The following ZC3H18 variants were observed in gnomAD, a reference collection of about 807,000 sequenced individuals.
The protein encoded by ZC3H18 is zinc finger CCCH-type containing 18.
In ZC3H18, 8 loss-of-function variants were observed where a neutral mutation model predicts 106.1. The observed-to-expected ratio is 0.08, with a 90% confidence interval of 0.04 to 0.14. The LOEUF is 0.14. Ranked by LOEUF, ZC3H18 falls within the 10% of genes least tolerant of loss-of-function variation. The pLI, the probability that ZC3H18 is intolerant of heterozygous loss-of-function variation, is 1.00. For synonymous variants in ZC3H18, 635 were observed against 522.1 expected (o/e 1.22, Z -2.95); for missense variants, 1,318 against 1,278.4 (o/e 1.03, Z -0.47).
intron 8 of ZC3H18, among the ~76,000 whole-genome samples, chr16:88,613,922 C>T (rs761877629): frequency 1.3e-5 from 2 of 151,392 alleles, no homozygotes; most frequent in Non-Finnish European, 3.0e-5. Context: ...CAGAGAGAGA[C>T]CCTGTCTCAA....
intron 8 of ZC3H18, among the ~76,000 whole-genome samples, chr16:88,619,011 T>G (rs1364089006): frequency 6.6e-6 from 1 of 152,174 alleles, no homozygotes; most frequent in Non-Finnish European, 1.5e-5. Context: ...GCCTGGTTTT[T>G]CCAAGTCTAA....
chr16:88,584,172 A>C (rs1210143648), intron 2 of ZC3H18, among the ~76,000 whole-genome samples: 1 of 152,194 alleles, frequency 6.6e-6, no homozygotes, highest in Non-Finnish European at 1.5e-5. Flanking sequence ...CTGTAATCCT[A>C]GCACTTTGGG....
At chr16:88,601,928 G>T (rs915763227) in intron 6 of ZC3H18, among the ~76,000 whole-genome samples, 8 of 152,140 alleles carry the variant, frequency 5.3e-5, no homozygotes, top group Admixed American at 2.6e-4. Context: ...TCTGCCAGGA[G>T]GGTGGAGACC....
intron 5 of ZC3H18, among the ~76,000 whole-genome samples, chr16:88,599,481 C>G (rs1158100889): frequency 6.6e-6 from 1 of 152,234 alleles, no homozygotes; most frequent in Non-Finnish European, 1.5e-5. Flanking sequence ...ACTCCAGCCA[C>G]TCCACCTGCT....
intron 5 of ZC3H18, 134 bp from the exon 6 acceptor site, chr16:88,599,657 C>T (rs1247996851): frequency 9.2e-7 from 1 of 1,089,174 alleles, no homozygotes; most frequent in East Asian, 2.4e-5. Context: ...CCCCTCACCC[C>T]TTGAGCACTT....
At chr16:88,589,235 C>T (rs778633201) in intron 3 of ZC3H18, among the ~76,000 whole-genome samples, 3 of 152,176 alleles carry the variant, frequency 2.0e-5, no homozygotes, top group African/African-American at 4.8e-5. Flanking sequence ...GAGGGTAAAA[C>T]GGTGCAGCTG....
intron 1 of ZC3H18, among the ~76,000 whole-genome samples, chr16:88,575,675 A>T (rs1233889841): frequency 1.3e-5 from 2 of 152,042 alleles, no homozygotes; most frequent in Non-Finnish European, 2.9e-5. Flanking sequence ...TGGATTAGTA[A>T]AAATAGGAAT....
At chr16:88,572,668 G>A (rs1914484414) in intron 1 of ZC3H18, among the ~76,000 whole-genome samples, 1 of 152,010 alleles carries the variant, frequency 6.6e-6, no homozygotes, top group East Asian at 1.9e-4. Flanking sequence ...TTGCAAACGT[G>A]GGTATCAGTT....
chr16:88,589,899 A>T (rs879589138), intron 3 of ZC3H18, among the ~76,000 whole-genome samples: 1 of 152,242 alleles, frequency 6.6e-6, no homozygotes, highest in Non-Finnish European at 1.5e-5. Flanking sequence ...CAACTTTGTG[A>T]ATATACTGCA....
chr16:88,619,559 C>G (rs1905831307), intron 8 of ZC3H18, among the ~76,000 whole-genome samples: 1 of 152,224 alleles, frequency 6.6e-6, no homozygotes, highest in South Asian at 2.1e-4. Context: ...AATTCGGTAT[C>G]ATTGTCTCCA....
chr16:88,629,503 T>C (rs1043824129), intron 16 of ZC3H18, among the ~76,000 whole-genome samples: 2 of 152,112 alleles, frequency 1.3e-5, no homozygotes, highest in Non-Finnish European at 2.9e-5. Context: ...TTTTGCAAAA[T>C]ATATTTTCCA....
chr16:88,628,943 C>A, intron 16 of ZC3H18, 89 bp downstream of exon 16: 1 of 1,331,564 alleles, frequency 7.5e-7, no homozygotes, highest in Non-Finnish European at 1.1e-6. Flanking sequence ...TTGCTCTTAA[C>A]AAGTAGGAGG....
chr16:88,607,794 A>C (rs1343683838), intron 6 of ZC3H18, among the ~76,000 whole-genome samples: 1 of 145,882 alleles, frequency 6.9e-6, no homozygotes, highest in Non-Finnish European at 1.5e-5. Flanking sequence ...CTCCCCATTC[A>C]CATGCTTCAT....
chr16:88,631,679 C>T lies in ZC3H18; in HGVS notation c.*380C>T, dbSNP rs1277052178. The T allele has an allele frequency of 2.2e-6, 1 of 464,188 alleles. No individual in the cohort carries two copies. The highest frequency in any genetic ancestry group is 4.3e-6 in the Non-Finnish European group (1 of 234,088). 28.8% of individuals were successfully genotyped at this position (464,188 alleles called of 1,614,324 possible). A position where few individuals can be genotyped will look rare whatever the true frequency, so the allele number is the denominator to read the frequency against. ...CCGGGTCCAGGCAGCCAGGCTCCCTCCTGAGCTGAGAAACGGAACCTCGCG... is the reference window on the plus strand; with the variant it reads ...CCGGGTCCAGGCAGCCAGGCTCCCTTCTGAGCTGAGAAACGGAACCTCGCG... On this transcript the variant is annotated 3_prime_UTR_variant, in exon 18 of 18. Coordinates refer to ENST00000301011, the MANE Select transcript of ZC3H18 (RefSeq NM_144604.4).
chr16:88,613,311 T>G (rs1474255911), intron 8 of ZC3H18, among the ~76,000 whole-genome samples: 2 of 152,358 alleles, frequency 1.3e-5, no homozygotes, highest in East Asian at 1.9e-4. Flanking sequence ...TGTGAATTTG[T>G]GTGCAAGTTT....
At chr16:88,625,173 CCT>C in intron 12 of ZC3H18, 27 bp from the exon 13 acceptor site, 1 of 1,560,594 alleles carries the variant, frequency 6.4e-7, no homozygotes, top group Non-Finnish European at 8.7e-7. Flanking sequence ...GGCCACGCCC[CCT>C]GAGCCCCGCT....
intron 6 of ZC3H18, among the ~76,000 whole-genome samples, chr16:88,601,568 G>A (rs1188231646): frequency 1.3e-5 from 2 of 152,028 alleles, no homozygotes; most frequent in African/African-American, 4.8e-5. Flanking sequence ...ACAGAAACAG[G>A]TGTCTCCCAT....
At chr16:88,624,387 A>G in intron 11 of ZC3H18, 2 of 758,764 alleles carry the variant, frequency 2.6e-6, no homozygotes, top group South Asian at 1.8e-5. Context: ...CTTGCCTGTT[A>G]GAGGGGAGCC....
chr16:88,592,882 T>G (rs1046592113), intron 3 of ZC3H18, among the ~76,000 whole-genome samples: 3 of 131,816 alleles, frequency 2.3e-5, no homozygotes, highest in African/African-American at 8.0e-5. Context: ...TACAGATGTA[T>G]TATTTATTTT....
Sources: allele counts gnomAD v4.1 joint callset (sites outside exome capture counted in the v4.1 genomes callset), GRCh38; gene constraint gnomAD v4.1.1; transcripts MANE v1.5; gene names NCBI Gene and HGNC (gene_info 2026-07-23, HGNC 2026-07-21).